KCNN2: variants seen among roughly 807,000 people sequenced by gnomAD.
The protein encoded by KCNN2 is small conductance calcium-activated potassium channel protein 2.
A neutral mutation model predicts 55.5 loss-of-function variants in KCNN2; 24 were observed. The observed-to-expected ratio is 0.43, with a 90% CI of 0.31 to 0.61. The LOEUF is 0.61. KCNN2 is among the 20% of genes least tolerant of loss of function. The pLI, the probability that KCNN2 is intolerant of heterozygous loss-of-function variation, is 0.08. For missense variants in KCNN2, 754 were observed against 853.6 expected (o/e 0.88, Z 1.45); for synonymous variants, 431 against 336.1 (o/e 1.28, Z -3.09).
rs143176490 is a variant in KCNN2, at chr5:114,382,701, C to T, written c.1218+18700C>T. Among the ~76,000 whole-genome samples the T allele has an allele frequency of 4.2e-3, 636 of 152,164 alleles. 2 individuals are homozygous for T. Among genetic ancestry groups the T allele is most frequent in the Non-Finnish European group, 6.4e-3 (432 of 68,000 alleles). ...CTTGTCTTAGGAGAGACTTTTATTC[C>T]ATTTTCCCATTTGTGCCACAAAATA... On this transcript the variant is annotated intron_variant, in intron 2 of 7. Coordinates refer to ENST00000673685, the MANE Select transcript of KCNN2 (RefSeq NM_021614.4).
chr5:114,444,920 C>T (rs1760347055), intron 3 of KCNN2, among the ~76,000 whole-genome samples: 1 of 152,138 alleles, frequency 6.6e-6, no homozygotes. Flanking sequence ...CCCCACATTG[C>T]ATCAAGTACA....
intron 1 of KCNN2, among the ~76,000 whole-genome samples, chr5:114,180,489 T>A (rs1386513566): frequency 6.6e-6 from 1 of 152,174 alleles, no homozygotes; most frequent in African/African-American, 2.4e-5. Context: ...TCTTGTGTTA[T>A]TTTAATAATA....
At chr5:114,213,652 G>A (rs1753936563) in intron 1 of KCNN2, among the ~76,000 whole-genome samples, 1 of 151,764 alleles carries the variant, frequency 6.6e-6, no homozygotes, top group South Asian at 2.1e-4. Context: ...CCCAGCAATG[G>A]CTAAGTCTGT....
chr5:114,427,993 T>TA (rs1170468458), intron 3 of KCNN2, among the ~76,000 whole-genome samples: 7 of 152,196 alleles, frequency 4.6e-5, no homozygotes, highest in African/African-American at 1.7e-4. Flanking sequence ...GAAAGGGCGT[T>TA]ATATGTATGA....
chr5:114,379,593 ATAT>A (rs1405139605), intron 2 of KCNN2, among the ~76,000 whole-genome samples: 11 of 86,048 alleles, frequency 1.3e-4, no homozygotes, highest in South Asian at 8.9e-4. Context: ...ATTATATAAC[ATAT>A]TATATATTTT....
At position 114,404,315 on chromosome 5, in the gene KCNN2, A is replaced by C. The variant is rs960395026; in HGVS notation, c.1219-123A>C. On this transcript the variant is annotated intron_variant, in intron 2 of 7. Transcript: ENST00000673685. ...ATAGTATACCTGGCTAGCATTTAAA[A>C]GTTATAACCTTTAGCTTGCCATGAT... is the stretch of plus-strand genomic sequence containing the variant. 13 of 706,586 alleles carry C rather than the reference A, an allele frequency of 1.8e-5. No individual in the cohort carries two copies. In the South Asian group the frequency reaches 2.5e-4, roughly 13 times the overall value. 43.8% of individuals were successfully genotyped at this position (706,586 alleles called of 1,614,324 possible).
chr5:114,139,465 C>CG lies in KCNN2; in HGVS notation c.-270-82015_-270-82014insG, dbSNP rs1037474254. Reference sequence around the variant, plus strand: ...AACACACACTCACACAACCACCCCCCCCACACACACACACCAGAAAGGAAA... The same window carrying CG: ...AACACACACTCACACAACCACCCCCCGCCACACACACACACCAGAAAGGAAA... On this transcript the variant is annotated intron_variant, in intron 1 of 10. Coordinates refer to the KCNN2 transcript ENST00000512097. Among the ~76,000 whole-genome samples the CG allele has an allele frequency of 2.0e-5, 3 of 150,120 alleles. No homozygotes were observed. In the South Asian group the frequency reaches 6.4e-4, roughly 32 times the overall value.
At chr5:114,335,144 T>G (rs1199533579) in intron 2 of KCNN2, among the ~76,000 whole-genome samples, 1 of 152,056 alleles carries the variant, frequency 6.6e-6, no homozygotes, top group African/African-American at 2.4e-5. Flanking sequence ...AGGATGGTGT[T>G]TATCTCCTGA....
At chr5:114,127,207 G>A (rs547164412) in intron 1 of KCNN2, among the ~76,000 whole-genome samples, 1 of 152,142 alleles carries the variant, frequency 6.6e-6, no homozygotes, top group Non-Finnish European at 1.5e-5. Context: ...AAGCATTGTA[G>A]TGGGAACTCT....
At chr5:114,411,564 G>C (rs1286847370) in intron 3 of KCNN2, among the ~76,000 whole-genome samples, 1 of 152,146 alleles carries the variant, frequency 6.6e-6, no homozygotes, top group Non-Finnish European at 1.5e-5. Context: ...GCAGGTGCAA[G>C]TCCTAGAGTC....
intron 1 of KCNN2, among the ~76,000 whole-genome samples, chr5:114,066,931 C>G (rs1279271101): frequency 6.6e-6 from 1 of 152,188 alleles, no homozygotes; most frequent in Non-Finnish European, 1.5e-5. Context: ...ACCCAAGTTT[C>G]AGGGAGTAGA....
chr5:114,493,236 A>G (rs41296567), intron 6 of KCNN2, 167 bp from the exon 7 acceptor site: 7 of 691,192 alleles, frequency 1.0e-5, no homozygotes, highest in Non-Finnish European at 1.9e-5. Context: ...TTGGGGAAGC[A>G]TGCTTCTCAT....
chr5:114,081,542 C>T (rs552971176), intron 1 of KCNN2, among the ~76,000 whole-genome samples: 66 of 152,296 alleles, frequency 4.3e-4, no homozygotes, highest in African/African-American at 1.6e-3. Flanking sequence ...AAAGTGCTTT[C>T]AGCAAAAGAT....
intron 2 of KCNN2, among the ~76,000 whole-genome samples, chr5:114,348,219 G>T (rs193219891): frequency 1.4e-5 from 2 of 143,340 alleles, no homozygotes; most frequent in Admixed American, 1.5e-4. Context: ...ACCAAAGGGT[G>T]ATAGGAGAGC....
chr5:114,352,588 C>A (rs1466930602), intron 2 of KCNN2, among the ~76,000 whole-genome samples: 1 of 151,686 alleles, frequency 6.6e-6, no homozygotes, highest in African/African-American at 2.4e-5. Flanking sequence ...CTATGCATGG[C>A]TTTAGGTGCA....
intron 1 of KCNN2, among the ~76,000 whole-genome samples, chr5:114,067,118 A>G (rs934422855): frequency 2.0e-5 from 3 of 152,262 alleles, no homozygotes; most frequent in African/African-American, 7.2e-5. Context: ...AAGATGGATC[A>G]GAAAAAAGAG....
At chr5:114,460,614 C>T (rs1297044351) in intron 3 of KCNN2, among the ~76,000 whole-genome samples, 1 of 152,190 alleles carries the variant, frequency 6.6e-6, no homozygotes, top group African/African-American at 2.4e-5. Context: ...TTGAAGATTT[C>T]ACTGGGACCC....
chr5:114,272,679 A>T (rs1203290543), intron 2 of KCNN2, among the ~76,000 whole-genome samples: 3 of 152,098 alleles, frequency 2.0e-5, no homozygotes, highest in Non-Finnish European at 2.9e-5. Flanking sequence ...TGGCTTATTC[A>T]TATATATTTT....
chr5:114,316,939 G>C (rs183777630), intron 2 of KCNN2, among the ~76,000 whole-genome samples: 1 of 152,204 alleles, frequency 6.6e-6, no homozygotes, highest in African/African-American at 2.4e-5. Context: ...CAGTCATTTG[G>C]TAAATGATTA....
Sources: allele counts gnomAD v4.1 joint callset (sites outside exome capture counted in the v4.1 genomes callset), GRCh38; gene constraint gnomAD v4.1.1; transcripts MANE v1.5; gene names NCBI Gene and HGNC (gene_info 2026-07-23, HGNC 2026-07-21).